Variants in AGAP1 observed in about 807,000 individuals in gnomAD.
The protein encoded by AGAP1 is ArfGAP with GTPase domain, ankyrin repeat and PH domain 1, also known as arf-GAP with GTPase, ANK repeat and PH domain-containing protein 1.
In AGAP1, 29 loss-of-function variants were observed where a neutral mutation model predicts 105.3. That is an observed-to-expected ratio of 0.28 (90% confidence interval 0.21 to 0.38). AGAP1 has a LOEUF of 0.38. AGAP1 is among the 10% of genes least tolerant of loss of function. The pLI is 1.00. For synonymous variants in AGAP1, 509 were observed against 485.9 expected (o/e 1.05, Z -0.63); for missense variants, 998 against 1,165.1 (o/e 0.86, Z 2.09).
intron 6 of AGAP1, among the ~76,000 whole-genome samples, chr2:235,770,657 CAG>C (rs1270864935): frequency 5.3e-5 from 8 of 152,132 alleles, no homozygotes; most frequent in Non-Finnish European, 1.2e-4. Flanking sequence ...TTAGAACACT[CAG>C]AATCATTTCA....
chr2:235,501,320 C>T (rs772647351), intron 1 of AGAP1, among the ~76,000 whole-genome samples: 2 of 152,124 alleles, frequency 1.3e-5, no homozygotes, highest in Admixed American at 6.5e-5. Flanking sequence ...TCTTGTCTTT[C>T]GGAGATTGTT....
At position 235,633,152 on chromosome 2, in the gene AGAP1, G is replaced by A. The variant is rs981489449; in HGVS notation, c.164-76027G>A. ...TCCCTGTAACAAAAGACAGGTTAAC[G>A]AGAGAAAAGCATTATACATTTACTT... is the stretch of plus-strand genomic sequence containing the variant. On this transcript the variant is annotated intron_variant, in intron 1 of 17. Transcript: ENST00000304032. The surrounding 1 kb of genome is among the most constrained non-coding windows in gnomAD (Gnocchi z 4.8). Among the ~76,000 whole-genome samples, 1 of 152,128 alleles carries A rather than the reference G, an allele frequency of 6.6e-6. No individual in the cohort carries two copies. Among genetic ancestry groups the A allele is most frequent in the Non-Finnish European group, 1.5e-5 (1 of 68,026 alleles).
At position 235,555,159 on chromosome 2, in the gene AGAP1, C is replaced by A. The variant is rs1943934224; in HGVS notation, c.163+60310C>A. The stretch of plus-strand genomic sequence containing the variant: ...GCACAGGGGTTGCTGATTCTTCTTT[C>A]CAGATGGATGTTTCTAAAGTCTTTC... On this transcript the variant is annotated intron_variant, in intron 1 of 17. Coordinates refer to ENST00000304032, the MANE Select transcript of AGAP1 (RefSeq NM_001037131.3). This position sits in a 1 kb window ranked among gnomAD's most constrained non-coding sequence, Gnocchi z 5.1. 6.6e-6 allele frequency among the ~76,000 whole-genome samples: 1 copy of A among 152,156 alleles called. No homozygotes were observed. The highest frequency in any genetic ancestry group is 2.4e-5 in the African/African-American group (1 of 41,432).
In AGAP1 at chr2:235,559,157, G is replaced by A. The variant is rs921592834; in HGVS notation, c.163+64308G>A. Among the ~76,000 whole-genome samples the A allele has an allele frequency of 1.3e-5, 2 of 152,148 alleles. No individual in the cohort carries two copies. Among genetic ancestry groups the A allele is most frequent in the Admixed American group, 1.3e-4 (2 of 15,278 alleles). ...GCCCAGGCTGGTCTTGAACTCCTGG[G>A]CTTAAGTGATCCTCGCACCTCAGCT... On this transcript the variant is annotated intron_variant, in intron 1 of 17. Transcript: ENST00000304032. The surrounding 1 kb of genome is among the most constrained non-coding windows in gnomAD (Gnocchi z 5.7).
chr2:235,650,602 G>A (rs1947550068), intron 1 of AGAP1, among the ~76,000 whole-genome samples: 1 of 152,162 alleles, frequency 6.6e-6, no homozygotes, highest in South Asian at 2.1e-4. Flanking sequence ...GGTGCCTTCT[G>A]AGGTCCTGAG....
chr2:235,862,512 G>A (rs898421591), intron 9 of AGAP1, among the ~76,000 whole-genome samples: 1 of 152,208 alleles, frequency 6.6e-6, no homozygotes, highest in African/African-American at 2.4e-5. Flanking sequence ...TGTTGAGAAG[G>A]CTTCGGAGGC....
chr2:235,759,483 T>C (rs932979470), intron 6 of AGAP1, among the ~76,000 whole-genome samples: 6 of 152,150 alleles, frequency 3.9e-5, no homozygotes, highest in Non-Finnish European at 5.9e-5. Flanking sequence ...CAGCTTCACA[T>C]GTAGGGCCAT....
rs1175625972 is a variant in AGAP1 at position 236,045,105 on chromosome 2, G to C, written c.1892-3954G>C. Among the ~76,000 whole-genome samples, 1 of 152,140 alleles carries C rather than the reference G, an allele frequency of 6.6e-6. No individual in the cohort carries two copies. The highest frequency in any genetic ancestry group is 2.4e-5 in the African/African-American group (1 of 41,428). ...GATTTTTTAAATTTTTTGTAGAGAG[G>C]TAGTCTCACTATGCTGCCCAGGCTG... On this transcript the variant is annotated intron_variant, in intron 15 of 17. Coordinates refer to ENST00000304032, the MANE Select transcript of AGAP1 (RefSeq NM_001037131.3). The surrounding 1 kb of genome is among the most constrained non-coding windows in gnomAD (Gnocchi z 6.9).
Position 235,680,305 on chromosome 2 carries a change from G to A in AGAP1, c.164-28874G>A, listed in dbSNP as rs560960710. Among the ~76,000 whole-genome samples the A allele has an allele frequency of 2.6e-5, 4 of 152,338 alleles. No individual in the cohort carries two copies. The South Asian group carries it at 8.3e-4, about 32-fold the overall frequency. ...GGGCCAGGATTTGGGCTTTAATTTGGCGCGGGAGAAGTGTTGGGCCTGAGC... is the reference window on the plus strand; with the variant it reads ...GGGCCAGGATTTGGGCTTTAATTTGACGCGGGAGAAGTGTTGGGCCTGAGC... On this transcript the variant is annotated intron_variant, in intron 1 of 17. Coordinates refer to ENST00000304032, the MANE Select transcript of AGAP1 (RefSeq NM_001037131.3).
At position 235,740,071 on chromosome 2, in the gene AGAP1, C is replaced by T. The variant is rs1036654208; in HGVS notation, c.311-892C>T. Among the ~76,000 whole-genome samples, 2 of 152,178 alleles carry T rather than the reference C, an allele frequency of 1.3e-5. No homozygotes were observed. Among genetic ancestry groups the T allele is most frequent in the African/African-American group, 2.4e-5 (1 of 41,456 alleles). ...TCGAATCCCCATGAGGGTTCCCTAG[C>T]GTGGTCTCAGAGCCCAGGATCTGGA... On this transcript the variant is annotated intron_variant, in intron 3 of 17. Transcript: ENST00000304032. This position sits in a 1 kb window ranked among gnomAD's most constrained non-coding sequence, Gnocchi z 5.7.
Position 235,986,061 on chromosome 2 carries a change from G to A in AGAP1, c.1645+17438G>A, listed in dbSNP as rs1388762613. Among the ~76,000 whole-genome samples the A allele has an allele frequency of 3.9e-5, 6 of 152,190 alleles. No individual in the cohort carries two copies. The South Asian group carries it at 1.0e-3, about 26-fold the overall frequency. On this transcript the variant is annotated intron_variant, in intron 13 of 17. Coordinates refer to ENST00000304032, the MANE Select transcript of AGAP1 (RefSeq NM_001037131.3). ...TTGAATCTATAAATTACTTTGGGCA[G>A]TATGGCCATTTTCATGATATTGATT...
chr2:235,644,307 C>T (rs901831131), intron 1 of AGAP1, among the ~76,000 whole-genome samples: 3 of 152,196 alleles, frequency 2.0e-5, no homozygotes, highest in Non-Finnish European at 4.4e-5. Context: ...GAGCCTGTTG[C>T]CAGCGCGATC....
intron 1 of AGAP1, among the ~76,000 whole-genome samples, chr2:235,637,715 CAG>C (rs920560081): frequency 3.9e-5 from 6 of 152,134 alleles, no homozygotes; most frequent in African/African-American, 1.2e-4. Context: ...TCAGGGTTCT[CAG>C]AGAAGCAGAA....
chr2:235,624,748 C>T (rs13402223), intron 1 of AGAP1, among the ~76,000 whole-genome samples: 6,446 of 152,114 alleles, frequency 0.042, 391 homozygotes, highest in African/African-American at 0.14. Flanking sequence ...ATGTGATTCC[C>T]AGTGTTGGAA....
At chr2:235,514,359 TAGA>T (rs1257194965) in intron 1 of AGAP1, among the ~76,000 whole-genome samples, 1 of 152,284 alleles carries the variant, frequency 6.6e-6, no homozygotes, top group African/African-American at 2.4e-5. Flanking sequence ...TAAGCCTTTT[TAGA>T]AGGAGTCATG....
intron 12 of AGAP1, among the ~76,000 whole-genome samples, chr2:235,947,145 G>A (rs916044309): frequency 3.3e-5 from 5 of 152,040 alleles, no homozygotes; most frequent in South Asian, 2.1e-4. Flanking sequence ...GTTCTTTAGC[G>A]CTGATTTCTG....
In AGAP1 at chr2:236,100,472, G is replaced by A. The variant is rs188664100; in HGVS notation, c.2115-19720G>A. 2.8e-4 allele frequency among the ~76,000 whole-genome samples: 43 copies of A among 152,208 alleles called. No individual in the cohort carries two copies. In the Middle Eastern group the frequency reaches 0.01, roughly 36 times the overall value. On this transcript the variant is annotated intron_variant, in intron 16 of 17. Transcript: ENST00000304032. The stretch of plus-strand genomic sequence containing the variant: ...CCAGCTACACAGCCAAACTTAGGGG[G>A]GAAAAACACCTAGTGGGTGTATAGA...
At chr2:235,794,446 A>G (rs1364194379) in intron 6 of AGAP1, among the ~76,000 whole-genome samples, 1 of 152,170 alleles carries the variant, frequency 6.6e-6, no homozygotes, top group African/African-American at 2.4e-5. Context: ...ATCAAATCTC[A>G]GTGACAAAGC....
intron 1 of AGAP1, among the ~76,000 whole-genome samples, chr2:235,658,536 G>A (rs905135860): frequency 6.6e-6 from 1 of 152,156 alleles, no homozygotes; most frequent in African/African-American, 2.4e-5. Context: ...GAGGAGGTGT[G>A]GAGCAGAGTG....
Sources: allele counts gnomAD v4.1 joint callset (sites outside exome capture counted in the v4.1 genomes callset), GRCh38; gene constraint gnomAD v4.1.1; non-coding constraint Gnocchi (gnomAD v3.1); transcripts MANE v1.5; gene names NCBI Gene and HGNC (gene_info 2026-07-23, HGNC 2026-07-21).